ASPH: variants seen among roughly 807,000 people sequenced by gnomAD.
ASPH encodes the protein aspartyl/asparaginyl beta-hydroxylase.
ASPH carries 100 observed loss-of-function variants against 118.4 expected under a neutral mutation model. The ratio of observed to expected loss-of-function variants is 0.84; its 90% CI spans 0.72 to 1.00. The LOEUF is 1.00. ASPH is among the 50% of genes least tolerant of loss of function. The pLI is 0.00. For missense variants in ASPH, 920 were observed against 919.5 expected, an observed-to-expected ratio of 1.00 and a Z score of -0.01; for synonymous variants, 315 against 325.6, an observed-to-expected ratio of 0.97 and a Z score of 0.35.
At chr8:61,583,783 C>G (rs1289345019) in intron 15 of ASPH, among the ~76,000 whole-genome samples, 161 bp downstream of exon 15, 1 of 151,948 alleles carries the variant, frequency 6.6e-6, no homozygotes, top group African/African-American at 2.4e-5. Flanking sequence ...TCTCTTCCAT[C>G]TGATTCATTT....
chr8:61,666,161 T>C (rs958989152), intron 3 of ASPH, among the ~76,000 whole-genome samples: 1 of 152,192 alleles, frequency 6.6e-6, no homozygotes. Context: ...TCATTATCTG[T>C]AGTATTTAAA....
At chr8:61,570,108 T>C (rs1228662466) in intron 16 of ASPH, among the ~76,000 whole-genome samples, 2 of 152,304 alleles carry the variant, frequency 1.3e-5, no homozygotes, top group East Asian at 1.9e-4. Flanking sequence ...ATGTATTTAA[T>C]ACAGATAACC....
At chr8:61,577,711 AG>A (rs1454215512) in intron 15 of ASPH, among the ~76,000 whole-genome samples, 2 of 152,170 alleles carry the variant, frequency 1.3e-5, no homozygotes, top group Non-Finnish European at 2.9e-5. Context: ...TGAGGAGCGA[AG>A]GGGGAAGATC....
chr8:61,664,590 G>C (rs762121294), intron 3 of ASPH: 46 of 986,574 alleles, frequency 4.7e-5, no homozygotes, highest in Non-Finnish European at 4.9e-5. Flanking sequence ...AAGCATGCAG[G>C]AGTGAGGGGC....
chr8:61,638,027 A>T (rs754817105), intron 11 of ASPH, 24 bp from the exon 12 acceptor site: 63 of 1,593,542 alleles, frequency 4.0e-5, no homozygotes, highest in Non-Finnish European at 5.4e-5. Context: ...TAAAATCAGA[A>T]TCCATTACAT....
intron 13 of ASPH, chr8:61,625,049 C>T (rs1011134856): frequency 3.0e-6 from 3 of 985,544 alleles, no homozygotes; most frequent in African/African-American, 3.5e-5. Flanking sequence ...AAAAAGTCAC[C>T]TTATCTTAAT....
At chr8:61,705,821 T>A (rs112448656) in intron 1 of ASPH, among the ~76,000 whole-genome samples, 1 of 151,758 alleles carries the variant, frequency 6.6e-6, no homozygotes, top group African/African-American at 2.4e-5. Context: ...TACAGGCACA[T>A]GTAAATGTTT....
chr8:61,685,494 C>T (rs952577134), intron 1 of ASPH, among the ~76,000 whole-genome samples: 1 of 152,088 alleles, frequency 6.6e-6, no homozygotes, highest in African/African-American at 2.4e-5. Flanking sequence ...CCAAATTACA[C>T]GATTTCAAAA....
intron 21 of ASPH, among the ~76,000 whole-genome samples, chr8:61,536,863 T>G (rs989510460): frequency 6.6e-6 from 1 of 152,210 alleles, no homozygotes; most frequent in Non-Finnish European, 1.5e-5. Flanking sequence ...GTCAAAATTC[T>G]ATTTTTACAT....
At position 61,517,556 on chromosome 8, in the gene ASPH, A is replaced by G; in HGVS notation, c.2098T>C (p.Cys700Arg). The change falls in exon 24 of 25, where the codon TGC (cysteine) becomes CGC (arginine). Residue 700 changes from cysteine (C) to arginine (R), a missense_variant. By Grantham distance (180) the Cys-to-Arg change is radical. Transcript: ENST00000379454. ...HLGLVIPKEGCKIRCANETKT... is the reference protein window; with the variant it reads ...HLGLVIPKEGRKIRCANETKT... Reference sequence around the variant, plus strand: ...GTCTCGTTGGCACATCGAATCTTGCAGCCTTCCTTGGGAATCACCAAGCCC... The same window carrying G: ...GTCTCGTTGGCACATCGAATCTTGCGGCCTTCCTTGGGAATCACCAAGCCC... The G allele has an allele frequency of 1.2e-6, 2 of 1,614,138 alleles. No individual in the cohort carries two copies. Among genetic ancestry groups the G allele is most frequent in the Non-Finnish European group, 1.7e-6 (2 of 1,179,972 alleles).
rs1359510990 is a variant in ASPH at position 61,664,401 on chromosome 8, G to C, written c.323-10741C>G. On this transcript the variant is annotated intron_variant, in intron 3 of 24. Coordinates refer to ENST00000379454, the MANE Select transcript of ASPH (RefSeq NM_004318.4). ...TAAAACCTTTCTATAGTTATTCTAA[G>C]ACTATAAAGGTATCATAAATAAAAG... 3 of 971,810 alleles carry C rather than the reference G, an allele frequency of 3.1e-6. No individual in the cohort carries two copies. In the African/African-American group the frequency reaches 5.3e-5, roughly 17 times the overall value. The allele number at this position is 971,810 out of a possible 1,614,324, so 60.2% of individuals were successfully genotyped here.
At chr8:61,565,308 C>T (rs994862655) in intron 17 of ASPH, among the ~76,000 whole-genome samples, 58 of 152,050 alleles carry the variant, frequency 3.8e-4, no homozygotes, top group African/African-American at 1.3e-3. Context: ...CCAGAAACAG[C>T]TATTATTCAT....
intron 14 of ASPH, among the ~76,000 whole-genome samples, chr8:61,603,027 T>C (rs993503437): frequency 1.3e-5 from 2 of 151,682 alleles, no homozygotes; most frequent in Non-Finnish European, 2.9e-5. Flanking sequence ...ACCCCATTTC[T>C]ACTAAAAATG....
At chr8:61,649,327 A>C in intron 5 of ASPH, among the ~76,000 whole-genome samples, 1 of 152,124 alleles carries the variant, frequency 6.6e-6, no homozygotes, top group East Asian at 1.9e-4. Context: ...TAAAATATAA[A>C]AGACTAGCAT....
intron 14 of ASPH, among the ~76,000 whole-genome samples, chr8:61,613,413 A>G (rs1848077486): frequency 6.6e-6 from 1 of 152,150 alleles, no homozygotes; most frequent in African/African-American, 2.4e-5. Flanking sequence ...TTCTATATCT[A>G]TACACATACA....
chr8:61,640,545 C>T (rs919808792), intron 10 of ASPH, among the ~76,000 whole-genome samples: 1 of 152,228 alleles, frequency 6.6e-6, no homozygotes, highest in Non-Finnish European at 1.5e-5. Context: ...GCCTCATCCA[C>T]AAACTAGGTA....
Position 61,577,239 on chromosome 8 carries a change from C to T in ASPH, c.1063-381G>A, listed in dbSNP as rs185573739. ...ATACCTAATGTACATGACGGGTGAA[C>T]GGGTGCACCACATCAACATGGCACA... On this transcript the variant is annotated intron_variant, in intron 15 of 24. Coordinates refer to ENST00000379454, the MANE Select transcript of ASPH (RefSeq NM_004318.4). Among the ~76,000 whole-genome samples the T allele has an allele frequency of 4.4e-4, 67 of 151,384 alleles. No individual in the cohort carries two copies. The East Asian group carries it at 7.4e-3, about 17-fold the overall frequency.
intron 14 of ASPH, among the ~76,000 whole-genome samples, chr8:61,606,098 G>A (rs574733908): frequency 2.0e-5 from 3 of 152,244 alleles, no homozygotes; most frequent in Non-Finnish European, 4.4e-5. Context: ...GTCTGGAAGT[G>A]CCATGAAAAA....
intron 10 of ASPH, 43 bp downstream of exon 10, chr8:61,642,844 TC>T: frequency 1.7e-6 from 2 of 1,194,966 alleles, no homozygotes; most frequent in Non-Finnish European, 1.1e-6. Context: ...AAACTCCATC[TC>T]AAAAAAAAAA....
Sources: allele counts gnomAD v4.1 joint callset (sites outside exome capture counted in the v4.1 genomes callset), GRCh38; gene constraint gnomAD v4.1.1; transcripts MANE v1.5; gene names NCBI Gene and HGNC (gene_info 2026-07-23, HGNC 2026-07-21).